Variants in FARP1 observed in about 807,000 individuals in gnomAD.
FARP1 encodes the protein FERM, ARH/RhoGEF and pleckstrin domain protein 1.
FARP1 carries 52 observed loss-of-function variants against 128.8 expected under a neutral mutation model. That is an observed-to-expected ratio of 0.40 (90% CI 0.32 to 0.51). FARP1 has a LOEUF of 0.51. Among genes scored for constraint, FARP1 ranks in the 20% least tolerant of loss-of-function variants. The pLI is 0.45. For synonymous variants in FARP1, 580 were observed against 551.8 expected (o/e 1.05, Z -0.72); for missense variants, 1,333 against 1,367.9 (o/e 0.97, Z 0.40).
At chr13:98,374,146 A>G (rs1352914556) in intron 5 of FARP1, among the ~76,000 whole-genome samples, 1 of 152,314 alleles carries the variant, frequency 6.6e-6, no homozygotes, top group East Asian at 1.9e-4. Context: ...AAGGTTGGCT[A>G]GGCACAGTGG....
chr13:98,297,524 A>G (rs1885749893), intron 2 of FARP1, among the ~76,000 whole-genome samples: 1 of 152,234 alleles, frequency 6.6e-6, no homozygotes, highest in Non-Finnish European at 1.5e-5. Flanking sequence ...AGGGTGAATT[A>G]CTATGACTAC....
intron 26 of FARP1, 60 bp from the exon 27 acceptor site, chr13:98,448,176 C>A (rs996972452): frequency 7.0e-7 from 1 of 1,423,398 alleles, no homozygotes; most frequent in African/African-American, 1.4e-5. Flanking sequence ...GCGATGCCCA[C>A]CAAAGTGTCA....
intron 2 of FARP1, chr13:98,332,664 G>A (rs931447057): frequency 6.6e-6 from 1 of 152,162 alleles, no homozygotes; most frequent in African/African-American, 2.4e-5. Flanking sequence ...CTTCTAAGGG[G>A]TAAGAAAATC....
rs112058707 is a variant in FARP1 at position 98,376,708 on chromosome 13, C to T, written c.399-1113C>T. Among the ~76,000 whole-genome samples the T allele has an allele frequency of 9.9e-3, 1,469 of 147,714 alleles. 27 individuals are homozygous for T. The highest frequency in any genetic ancestry group is 0.033 in the African/African-American group (1,331 of 40,128). On this transcript the variant is annotated intron_variant, in intron 5 of 26. Transcript: ENST00000319562. ...CAGGAACCTCCAAACTGTTCTCTAT[C>T]GTGGTTGTACTAATTTACATTCCCG...
chr13:98,379,295 C>G (rs1566935586), intron 6 of FARP1, among the ~76,000 whole-genome samples: 1 of 145,304 alleles, frequency 6.9e-6, no homozygotes. Flanking sequence ...CCCTTGAGAT[C>G]AAGTCTGTCA....
At chr13:98,445,910 G>A (rs1168761767) in intron 24 of FARP1, 188 bp from the exon 25 acceptor site, 1 of 545,030 alleles carries the variant, frequency 1.8e-6, no homozygotes, top group African/African-American at 1.9e-5. Context: ...AAGTGACAAG[G>A]GGAAGTGATG....
In FARP1 at chr13:98,176,875, T is replaced by C; in HGVS notation, c.-24+33383T>C. On this transcript the variant is annotated intron_variant, in intron 1 of 26. Transcript: ENST00000319562. This position sits in a 1 kb window ranked among gnomAD's most constrained non-coding sequence, Gnocchi z 6.2. ...CTTGAGGATGGTCGGCGTATGGTGC[T>C]CCTTCTCGGTGTCCTGCTCGAAGTC... 1.2e-6 allele frequency: 2 copies of C among 1,607,552 alleles called. No homozygotes were observed.
At chr13:98,278,992 A>T (rs868700749) in intron 2 of FARP1, among the ~76,000 whole-genome samples, 3,933 of 137,336 alleles carry the variant, frequency 0.029, 75 homozygotes, top group African/African-American at 0.038. Flanking sequence ...CGCCCTGCTA[A>T]TTTTTTTTTT....
intron 1 of FARP1, among the ~76,000 whole-genome samples, chr13:98,173,085 C>T (rs1455061107): frequency 6.6e-6 from 1 of 152,156 alleles, no homozygotes; most frequent in Non-Finnish European, 1.5e-5. Flanking sequence ...AGCTCCAGCA[C>T]TGGGTATGTA....
intron 2 of FARP1, among the ~76,000 whole-genome samples, chr13:98,301,168 CAGTA>C (rs1213323730): frequency 1.3e-5 from 2 of 152,210 alleles, no homozygotes; most frequent in Non-Finnish European, 2.9e-5. Context: ...GCTCAAATGT[CAGTA>C]ATGCAGAGCT....
At chr13:98,376,732 C>T (rs1243621750) in intron 5 of FARP1, among the ~76,000 whole-genome samples, 1 of 150,276 alleles carries the variant, frequency 6.7e-6, no homozygotes, top group Non-Finnish European at 1.5e-5. Flanking sequence ...TTTACATTCC[C>T]GCCGATAGTA....
intron 2 of FARP1, among the ~76,000 whole-genome samples, chr13:98,316,573 A>G (rs7327682): frequency 0.04 from 6,061 of 152,292 alleles, 209 homozygotes; most frequent in African/African-American, 0.093. Flanking sequence ...TCCAGCAGCC[A>G]TGCCTTTGGG....
intron 13 of FARP1, chr13:98,398,485 C>T (rs2048271188): frequency 6.6e-6 from 1 of 152,212 alleles, no homozygotes; most frequent in South Asian, 2.1e-4. Context: ...CTCTAGGCTT[C>T]ACTTTTTTAA....
At chr13:98,195,062 A>G (rs550908602) in intron 1 of FARP1, among the ~76,000 whole-genome samples, 5 of 152,280 alleles carry the variant, frequency 3.3e-5, no homozygotes, top group South Asian at 2.1e-4. Context: ...AATGATGCAA[A>G]TAAGTGCTTC....
intron 3 of FARP1, among the ~76,000 whole-genome samples, chr13:98,350,995 TCGCC>T (rs1392187469): frequency 5.3e-5 from 7 of 131,110 alleles, no homozygotes; most frequent in African/African-American, 2.2e-4. Flanking sequence ...CTGCCCAGCC[TCGCC>T]TCCCCTGCCC....
chr13:98,407,141 CACTT>C (rs1891010519), intron 13 of FARP1: 1 of 152,768 alleles, frequency 6.5e-6, no homozygotes, highest in African/African-American at 2.4e-5. Context: ...AGCATGCTCT[CACTT>C]ATAACTGCCT....
chr13:98,270,952 C>T lies in FARP1; in HGVS notation c.171+57539C>T, dbSNP rs59085781. 1.6e-4 allele frequency among the ~76,000 whole-genome samples: 25 copies of T among 152,258 alleles called. No individual in the cohort carries two copies. In the East Asian group the frequency reaches 2.9e-3, roughly 18 times the overall value. On this transcript the variant is annotated intron_variant, in intron 2 of 26. Transcript: ENST00000319562. ...CACCCTCTGAGCCATCGTTTCTTCA[C>T]GGTTTTACATTGCTGTCCTCTGAAT...
intron 3 of FARP1, among the ~76,000 whole-genome samples, chr13:98,349,919 C>T (rs950567342): frequency 2.6e-5 from 4 of 152,030 alleles, no homozygotes; most frequent in African/African-American, 9.7e-5. Context: ...GTTTCTAGAC[C>T]CTGCTGGAGT....
chr13:98,323,387 C>CTTT (rs71792049), intron 2 of FARP1, among the ~76,000 whole-genome samples: 1 of 133,528 alleles, frequency 7.5e-6, no homozygotes, highest in Non-Finnish European at 1.6e-5. Context: ...ATTCACATGG[C>CTTT]TTTTTTTTTT....
Sources: gnomAD v4.1 joint callset for allele counts (sites outside exome capture counted in the v4.1 genomes callset) on GRCh38, gnomAD v4.1.1 for gene constraint, Gnocchi (gnomAD v3.1) non-coding constraint, MANE v1.5 for transcripts, NCBI Gene and HGNC (gene_info 2026-07-23, HGNC 2026-07-21) for gene names.